HARS1: variants seen among roughly 807,000 people sequenced by gnomAD.
HARS1 encodes histidyl-tRNA synthetase 1.
A neutral mutation model predicts 63.6 loss-of-function variants in HARS1; 45 were observed. That is an observed-to-expected ratio of 0.71 (90% confidence interval 0.56 to 0.91). HARS1 has a LOEUF of 0.91. HARS1 is among the 40% of genes least tolerant of loss of function. HARS1 has a pLI of 0.00. For synonymous variants in HARS1, 205 were observed against 247.1 expected, an observed-to-expected ratio of 0.83 and a Z score of 1.60; for missense variants, 508 against 643.2, an observed-to-expected ratio of 0.79 and a Z score of 2.27.
chr5:140,679,651 A>G lies in HARS1; in HGVS notation c.396+137T>C. 1.8e-6 allele frequency: 1 copy of G among 568,216 alleles called. No individual in the cohort carries two copies. Among genetic ancestry groups the G allele is most frequent in the Non-Finnish European group, 3.2e-6 (1 of 313,940 alleles). 35.2% of individuals were successfully genotyped at this position (568,216 alleles called of 1,614,324 possible). A position where few individuals can be genotyped will look rare whatever the true frequency, so the allele number is the denominator to read the frequency against. On this transcript the variant is annotated intron_variant, in intron 4 of 12. Transcript: ENST00000504156. This position sits in a 1 kb window ranked among gnomAD's most constrained non-coding sequence, Gnocchi z 4.3. ...GTATGCTCTGTTTAGCCAAAGTTCCACTCCTGGTTTAGAGAAATAATTCCC... is the reference window on the plus strand; with the variant it reads ...GTATGCTCTGTTTAGCCAAAGTTCCGCTCCTGGTTTAGAGAAATAATTCCC...
chr5:140,679,135 CAA>C lies in HARS1; in HGVS notation c.397-10_397-9del, dbSNP rs886060020. 21 of 1,613,558 alleles carry C rather than the reference CAA, an allele frequency of 1.3e-5. No individual in the cohort carries two copies. The Admixed American group carries it at 3.5e-4, about 27-fold the overall frequency. Reference sequence around the variant, plus strand: ...ATACCGAGCAAAAGGAACCTGATGACAAAGAGTTAAGGAGAAAGCCCCTCCTA... The same window carrying C: ...ATACCGAGCAAAAGGAACCTGATGACAGAGTTAAGGAGAAAGCCCCTCCTA... On this transcript the variant is annotated splice_polypyrimidine_tract_variant and intron_variant, in intron 4 of 12. Transcript: ENST00000504156. The surrounding 1 kb of genome is among the most constrained non-coding windows in gnomAD (Gnocchi z 4.3).
chr5:140,684,417 TA>T, intron 2 of HARS1: 1 of 981,586 alleles, frequency 1.0e-6, no homozygotes, highest in Non-Finnish European at 1.2e-6. Context: ...CCAAATTTTA[TA>T]AGCAACGTTT....
At chr5:140,690,258 C>T (rs2563307) in intron 2 of HARS1, among the ~76,000 whole-genome samples, 61,295 of 151,882 alleles carry the variant, frequency 0.4, 12,884 homozygotes, top group East Asian at 0.46. Flanking sequence ...TCAAGACCAT[C>T]CTGGCCAATA....
At chr5:140,683,268 A>G (rs1193021085) in intron 2 of HARS1, 49 bp from the exon 3 acceptor site, 1 of 1,592,602 alleles carries the variant, frequency 6.3e-7, no homozygotes, top group Admixed American at 1.7e-5. Context: ...TTGAAAACCA[A>G]GAACAATATG....
At position 140,676,588 on chromosome 5, in the gene HARS1, G is replaced by T; in HGVS notation, c.1194+66C>A. 6.5e-7 allele frequency: 1 copy of T among 1,541,520 alleles called. No homozygotes were observed. The highest frequency in any genetic ancestry group is 8.9e-7 in the Non-Finnish European group (1 of 1,125,476). On this transcript the variant is annotated intron_variant, in intron 10 of 12. Transcript: ENST00000504156. The surrounding 1 kb of genome is among the most constrained non-coding windows in gnomAD (Gnocchi z 4.1). ...CCAAAGCAGCACCACTTGCTCCCTT[G>T]GAGATCAGATAGCTTAGGTGCCACC... is the stretch of plus-strand genomic sequence containing the variant.
At chr5:140,677,776 G>T in intron 6 of HARS1, 23 bp from the exon 7 acceptor site, 2 of 1,513,528 alleles carry the variant, frequency 1.3e-6, no homozygotes, top group Non-Finnish European at 1.8e-6. Context: ...AATGCATAGT[G>T]AGGGGGGAAT....
Position 140,690,920 on chromosome 5 carries a change from G to C in HARS1, c.115C>G (p.Leu39Val), listed in dbSNP as rs201729757. The change falls in exon 2 of 13, where the codon CTG becomes GTG. Residue 39 changes from leucine to valine, a missense_variant. Physicochemically the swap from Leu to Val is conservative, Grantham distance 32. Coordinates refer to ENST00000504156, the MANE Select transcript of HARS1 (RefSeq NM_002109.6). ...ELIEEEVAKL[L>V]KLKAQLGPDE... ...GGACCCAGCTGTGCCTTCAGTTTCA[G>C]GAGTTTCGCCACCTCCTCCTCGATC... The C allele has an allele frequency of 6.2e-7, 1 of 1,609,282 alleles. No homozygotes were observed. Among genetic ancestry groups the C allele is most frequent in the Non-Finnish European group, 8.5e-7 (1 of 1,175,592 alleles).
intron 2 of HARS1, among the ~76,000 whole-genome samples, chr5:140,688,252 A>G (rs571188304): frequency 1.3e-5 from 2 of 152,378 alleles, no homozygotes; most frequent in African/African-American, 4.8e-5. Flanking sequence ...TTAACTCTCT[A>G]GCATAATCTT....
intron 2 of HARS1, 147 bp downstream of exon 2, chr5:140,690,708 C>A: frequency 1.6e-6 from 1 of 638,712 alleles, no homozygotes; most frequent in Non-Finnish European, 2.8e-6. Context: ...AGGTAGAGTC[C>A]AGTCCAGCCC....
chr5:140,686,428 A>C (rs534357463), intron 2 of HARS1, among the ~76,000 whole-genome samples: 1 of 152,148 alleles, frequency 6.6e-6, no homozygotes, highest in South Asian at 2.1e-4. Context: ...TAGTAGAGAC[A>C]GCGTTTCACC....
At position 140,679,211 on chromosome 5, in the gene HARS1, C is replaced by G; in HGVS notation, c.397-84G>C. On this transcript the variant is annotated intron_variant, in intron 4 of 12. Transcript: ENST00000504156. This position sits in a 1 kb window ranked among gnomAD's most constrained non-coding sequence, Gnocchi z 4.3. ...ATCACCAACAGAAGCTGGGGTCTAACCCCTCCCTATGTGGGTAAAACTGCC... is the reference window on the plus strand; with the variant it reads ...ATCACCAACAGAAGCTGGGGTCTAAGCCCTCCCTATGTGGGTAAAACTGCC... 7.1e-7 allele frequency: 1 copy of G among 1,401,012 alleles called. No homozygotes were observed. The highest frequency in any genetic ancestry group is 1.2e-5 in the South Asian group (1 of 81,940). The allele number at this position is 1,401,012 out of a possible 1,614,324, so 86.8% of individuals were successfully genotyped here. A position where few individuals can be genotyped will look rare whatever the true frequency, so the allele number is the denominator to read the frequency against.
rs747156884 is a variant in HARS1 at position 140,674,274 on chromosome 5, G to T, written c.1513C>A (p.Pro505Thr). Residue 505 changes from proline (P) to threonine (T), a missense_variant, in exon 13 of 13, where the codon CCC becomes ACC. By Grantham distance (38) the Pro-to-Thr change is conservative. Transcript: ENST00000504156. ...TGTTCAGTTCAGCAGATGCAGAGGGGCTGGCCTGTTCTCCTTTTGATTTCC... is the reference window on the plus strand; with the variant it reads ...TGTTCAGTTCAGCAGATGCAGAGGGTCTGGCCTGTTCTCCTTTTGATTTCC... ...VEEIKRRTGQ[P>T]LCIC 1 of 1,608,940 alleles carries T rather than the reference G, an allele frequency of 6.2e-7. No individual in the cohort carries two copies.
chr5:140,680,725 C>T (rs865802804), intron 3 of HARS1, among the ~76,000 whole-genome samples: 1 of 151,728 alleles, frequency 6.6e-6, no homozygotes, highest in African/African-American at 2.4e-5. Flanking sequence ...CATCTAATCC[C>T]AGCTATTCGG....
chr5:140,683,514 G>A, intron 2 of HARS1: 1 of 1,133,854 alleles, frequency 8.8e-7, no homozygotes, highest in Non-Finnish European at 1.1e-6. Flanking sequence ...TCAGATAACA[G>A]AACATTTCCT....
At position 140,674,027 on chromosome 5, in the gene HARS1, A is replaced by G. The variant is rs1758194022; in HGVS notation, c.*230T>C. On this transcript the variant is annotated 3_prime_UTR_variant, in exon 13 of 13. Transcript: ENST00000504156. ...CTGGGTCCTTGTAGCCCAGGAGCAC[A>G]GACTGGACTAAGCCTCCTGGGCCTT... The G allele has an allele frequency of 3.3e-6, 2 of 611,712 alleles. No homozygotes were observed. Among genetic ancestry groups the G allele is most frequent in the South Asian group, 3.8e-5 (2 of 52,728 alleles). 37.9% of individuals were successfully genotyped at this position (611,712 alleles called of 1,614,324 possible).
In HARS1 at chr5:140,683,146, T is replaced by C. The variant is rs988849986; in HGVS notation, c.254A>G (p.Lys85Arg). 1.2e-6 allele frequency: 2 copies of C among 1,613,898 alleles called. No individual in the cohort carries two copies. Among genetic ancestry groups the C allele is most frequent in the Admixed American group, 3.3e-5 (2 of 60,028 alleles). Reference protein sequence around the residue: ...KVFDVIIRCFKRHGAEVIDTP... With the variant: ...KVFDVIIRCFRRHGAEVIDTP... ...ATCAATGACTTCTGCACCGTGGCGC[T>C]TGAAGCAACGGATGATTACGTCAAA... is the stretch of plus-strand genomic sequence containing the variant. The change falls in exon 3 of 13, where the codon AAG (lysine) becomes AGG (arginine). Residue 85 changes from lysine (K) to arginine (R), a missense_variant. By Grantham distance (26) the Lys-to-Arg change is conservative (BLOSUM62 2). Transcript: ENST00000504156.
rs769340873 is a variant in HARS1, at chr5:140,683,156, G to A, written c.244C>T (p.Arg82Cys). Residue 82 changes from arginine to cysteine, a missense_variant, in exon 3 of 13, where the codon CGT (arginine) becomes TGT (cysteine). Transcript: ENST00000504156. ...TCTGCACCGTGGCGCTTGAAGCAAC[G>A]GATGATTACGTCAAACACCTTCTCG... The part of the protein sequence containing the change: ...VREKVFDVII[R>C]CFKRHGAEVI... The A allele has an allele frequency of 1.1e-5, 17 of 1,613,470 alleles. No individual in the cohort carries two copies. Among genetic ancestry groups the A allele is most frequent in the Middle Eastern group, 1.6e-4 (1 of 6,084 alleles).
intron 2 of HARS1, chr5:140,684,443 C>T: frequency 2.0e-6 from 2 of 977,524 alleles, no homozygotes; most frequent in Non-Finnish European, 2.4e-6. Flanking sequence ...CCCAATATAA[C>T]TTTTCTTTTA....
chr5:140,677,238 C>T, intron 8 of HARS1, 89 bp downstream of exon 8: 1 of 1,363,464 alleles, frequency 7.3e-7, no homozygotes, highest in Non-Finnish European at 1.0e-6. Flanking sequence ...GACACACTCA[C>T]TCCCCTACAT....
Sources: gnomAD v4.1 joint callset for allele counts (sites outside exome capture counted in the v4.1 genomes callset) on GRCh38, gnomAD v4.1.1 for gene constraint, Gnocchi (gnomAD v3.1) non-coding constraint, MANE v1.5 for transcripts, NCBI Gene and HGNC (gene_info 2026-07-23, HGNC 2026-07-21) for gene names.